KCNT2: variants seen among roughly 807,000 people sequenced by gnomAD.
KCNT2 encodes potassium channel subfamily T member 2.
A neutral mutation model predicts 153.8 loss-of-function variants in KCNT2; 67 were observed. The observed-to-expected ratio is 0.44, with a 90% CI of 0.36 to 0.53. The LOEUF is 0.53. Ranked by LOEUF, KCNT2 falls within the 20% of genes least tolerant of loss-of-function variation. The pLI, the probability that KCNT2 is intolerant of heterozygous loss-of-function variation, is 0.00. For synonymous variants in KCNT2, 500 were observed against 458.8 expected, an observed-to-expected ratio of 1.09 and a Z score of -1.15; for missense variants, 975 against 1,354.8, an observed-to-expected ratio of 0.72 and a Z score of 4.40.
chr1:196,313,703 A>G (rs1662417832), intron 21 of KCNT2, among the ~76,000 whole-genome samples: 1 of 151,592 alleles, frequency 6.6e-6, no homozygotes, highest in African/African-American at 2.4e-5. Context: ...ATTTTTTCCT[A>G]AAAAATACTG....
intron 1 of KCNT2, among the ~76,000 whole-genome samples, chr1:196,546,633 C>T (rs1395584971): frequency 6.6e-6 from 1 of 151,970 alleles, no homozygotes; most frequent in Non-Finnish European, 1.5e-5. Context: ...GCATCAGATT[C>T]TAATGAGTGA....
intron 1 of KCNT2, among the ~76,000 whole-genome samples, chr1:196,607,635 G>A (rs1665468627): frequency 6.6e-6 from 1 of 152,144 alleles, no homozygotes; most frequent in Admixed American, 6.5e-5. Context: ...TATTAAAAAG[G>A]TTGTCATTTT....
At chr1:196,475,970 T>G (rs2148687638) in intron 5 of KCNT2, among the ~76,000 whole-genome samples, 1 of 152,336 alleles carries the variant, frequency 6.6e-6, no homozygotes, top group African/African-American at 2.4e-5. Context: ...TGCTAGGTCT[T>G]ACAATTTTCT....
chr1:196,603,861 C>G (rs1380924764), intron 1 of KCNT2, among the ~76,000 whole-genome samples: 3 of 152,230 alleles, frequency 2.0e-5, no homozygotes, highest in Admixed American at 1.3e-4. Flanking sequence ...TTTAAAATTA[C>G]TAAATCATGA....
At chr1:196,473,531 T>C (rs1476432258) in intron 5 of KCNT2, among the ~76,000 whole-genome samples, 2 of 152,194 alleles carry the variant, frequency 1.3e-5, no homozygotes, top group African/African-American at 4.8e-5. Flanking sequence ...GTGAGTTTTG[T>C]GACACATGAA....
At chr1:196,556,259 A>C (rs530506676) in intron 1 of KCNT2, among the ~76,000 whole-genome samples, 1 of 151,614 alleles carries the variant, frequency 6.6e-6, no homozygotes, top group East Asian at 1.9e-4. Context: ...ATTTCACAAG[A>C]GATTAATAAC....
chr1:196,577,240 C>A (rs1462965627), intron 1 of KCNT2, among the ~76,000 whole-genome samples: 1 of 152,088 alleles, frequency 6.6e-6, no homozygotes, highest in East Asian at 1.9e-4. Flanking sequence ...ACAAAAATGA[C>A]AACATACGCA....
At chr1:196,333,803 G>T in intron 17 of KCNT2, 44 bp downstream of exon 17, 2 of 1,195,642 alleles carry the variant, frequency 1.7e-6, no homozygotes, top group Non-Finnish European at 2.5e-6. Flanking sequence ...AAGGACATTA[G>T]CACAAAACCC....
intron 1 of KCNT2, among the ~76,000 whole-genome samples, chr1:196,525,811 A>G (rs1654108140): frequency 6.6e-6 from 1 of 151,986 alleles, no homozygotes; most frequent in Admixed American, 6.6e-5. Flanking sequence ...ATTATAATGA[A>G]ATACTGTACA....
At chr1:196,497,432 C>T (rs903806583) in intron 1 of KCNT2, among the ~76,000 whole-genome samples, 1 of 152,008 alleles carries the variant, frequency 6.6e-6, no homozygotes, top group East Asian at 1.9e-4. Flanking sequence ...CAACTATTTA[C>T]ATAACTTTTA....
intron 22 of KCNT2, among the ~76,000 whole-genome samples, chr1:196,302,424 T>C (rs1215863795): frequency 1.3e-5 from 2 of 152,092 alleles, no homozygotes; most frequent in Non-Finnish European, 2.9e-5. Flanking sequence ...TTTTAAACAA[T>C]ATAGATTTAT....
intron 1 of KCNT2, among the ~76,000 whole-genome samples, chr1:196,498,762 T>C (rs905932930): frequency 3.3e-5 from 5 of 152,200 alleles, no homozygotes; most frequent in Non-Finnish European, 7.4e-5. Context: ...GGAGAAAGCA[T>C]ACTGCCAAGG....
intron 8 of KCNT2, among the ~76,000 whole-genome samples, chr1:196,432,417 C>A (rs1218519424): frequency 1.3e-5 from 2 of 152,086 alleles, no homozygotes; most frequent in African/African-American, 4.8e-5. Flanking sequence ...AGATGCTAGA[C>A]CCCAACTCCG....
At position 196,479,232 on chromosome 1, in the gene KCNT2, C is replaced by G; in HGVS notation, c.331G>C (p.Val111Leu). The G allele has an allele frequency of 6.4e-7, 1 of 1,556,180 alleles. No individual in the cohort carries two copies. The highest frequency in any genetic ancestry group is 8.8e-7 in the Non-Finnish European group (1 of 1,133,976). Residue 111 changes from valine to leucine, a missense_variant, in exon 5 of 28, where the codon GTG becomes CTG. This residue lies in a region of KCNT2 where 140 missense variants were observed against 216.0 expected (regional missense o/e 0.65). Transcript: ENST00000294725. ...GTTTCAAACAGACTTATCAATGCCA[C>G]TGAAACCTGAAAGATAAATTGTAAC... ...SLPLWGLQVSVALISLFETIL... is the reference protein window; with the variant it reads ...SLPLWGLQVSLALISLFETIL...
intron 1 of KCNT2, among the ~76,000 whole-genome samples, chr1:196,552,438 T>C (rs1406793621): frequency 2.6e-5 from 4 of 151,480 alleles, no homozygotes. Context: ...CCTTTAAGCA[T>C]GCAGGAGAAA....
intron 1 of KCNT2, chr1:196,582,561 T>C (rs1445570004): frequency 6.5e-5 from 10 of 154,236 alleles, no homozygotes; most frequent in Non-Finnish European, 8.8e-5. Context: ...GTTAGAATGA[T>C]AGAGGGCAAG....
chr1:196,446,468 C>T (rs577187520), intron 8 of KCNT2, among the ~76,000 whole-genome samples: 2 of 151,346 alleles, frequency 1.3e-5, no homozygotes, highest in East Asian at 3.9e-4. Context: ...TAGTCCAACT[C>T]GTTTCTCTAA....
intron 11 of KCNT2, among the ~76,000 whole-genome samples, chr1:196,423,591 G>C (rs926217980): frequency 6.6e-6 from 1 of 151,458 alleles, no homozygotes; most frequent in South Asian, 2.1e-4. Flanking sequence ...CCTCATACTA[G>C]GGTTCAATAT....
In KCNT2 at chr1:196,372,327, A is replaced by G. The variant is rs190289468; in HGVS notation, c.1403+813T>C. ...CTGGATTTATTTGATTTGACACTTC[A>G]CCTAAACAATTATCAATTAACTTAC... is the stretch of plus-strand genomic sequence containing the variant. On this transcript the variant is annotated intron_variant, in intron 14 of 27. Coordinates refer to ENST00000294725, the MANE Select transcript of KCNT2 (RefSeq NM_198503.5). 5.9e-5 allele frequency among the ~76,000 whole-genome samples: 9 copies of G among 152,072 alleles called. No individual in the cohort carries two copies. The South Asian group carries it at 1.0e-3, about 17-fold the overall frequency.
Sources: gnomAD v4.1 joint callset for allele counts (sites outside exome capture counted in the v4.1 genomes callset) on GRCh38, gnomAD v4.1.1 for gene constraint, gnomAD v4.1.1 regional missense constraint, MANE v1.5 for transcripts, NCBI Gene and HGNC (gene_info 2026-07-23, HGNC 2026-07-21) for gene names.